NAGK: variants seen among roughly 807,000 people sequenced by gnomAD.
The protein encoded by NAGK is N-acetyl-D-glucosamine kinase.
NAGK carries 35 observed loss-of-function variants against 42.9 expected under a neutral mutation model. The observed-to-expected ratio is 0.82, with a 90% CI of 0.62 to 1.08. The LOEUF (loss-of-function observed/expected upper bound fraction) is 1.08. Among genes scored for constraint, NAGK ranks in the 50% least tolerant of loss-of-function variants. NAGK has a pLI of 0.00. For synonymous variants in NAGK, 172 were observed against 176.0 expected, an observed-to-expected ratio of 0.98 and a Z score of 0.18; for missense variants, 446 against 446.0, an observed-to-expected ratio of 1.00 and a Z score of 0.00.
chr2:71,075,328 G>C, intron 6 of NAGK: 3 of 482,554 alleles, frequency 6.2e-6, no homozygotes, highest in Non-Finnish European at 7.4e-6. Flanking sequence ...ACACAAATCT[G>C]TTCTCTGTGC....
Position 71,078,834 on chromosome 2 carries a change from T to G in NAGK, c.*326T>G. The G allele has an allele frequency of 3.9e-6, 1 of 255,162 alleles. No individual in the cohort carries two copies. The highest frequency in any genetic ancestry group is 7.6e-6 in the Non-Finnish European group (1 of 131,258). The allele number at this position is 255,162 out of a possible 1,614,324, so 15.8% of individuals were successfully genotyped here. A position where few individuals can be genotyped will look rare whatever the true frequency, so the allele number is the denominator to read the frequency against. ...CTGTGTGCTACCCTTCCCCCCATAT[T>G]ACCATACATATGCACTGTGTGGCTG... On this transcript the variant is annotated 3_prime_UTR_variant, in exon 10 of 10. Coordinates refer to ENST00000244204, the MANE Select transcript of NAGK (RefSeq NM_017567.6).
intron 8 of NAGK, 25 bp from the exon 9 acceptor site, chr2:71,077,533 T>C: frequency 6.3e-7 from 1 of 1,587,708 alleles, no homozygotes; most frequent in Non-Finnish European, 8.6e-7. Context: ...TTGGCCCCCA[T>C]ATCCATTTTC....
At chr2:71,072,450 G>T (rs770190709) in intron 4 of NAGK, 191 bp from the exon 5 acceptor site, 4 of 555,852 alleles carry the variant, frequency 7.2e-6, no homozygotes, top group Middle Eastern at 9.7e-4. Flanking sequence ...GGCGTTATGG[G>T]ATTAGAGTTT....
Position 71,070,534 on chromosome 2 carries a change from CAG to C in NAGK, c.65_66del (p.Glu22GlyfsTer29). 3 of 1,614,072 alleles carry C rather than the reference CAG, an allele frequency of 1.9e-6. No individual in the cohort carries two copies. The highest frequency in any genetic ancestry group is 2.5e-6 in the Non-Finnish European group (3 of 1,179,980). ...ACACGATCCGAGGTCCTTTTAGTCT[CAG>C]AGGATGGGAAGATCCTGGCAGAAGC... On this transcript the variant is annotated frameshift_variant, in exon 2 of 10. Coordinates refer to ENST00000244204, the MANE Select transcript of NAGK (RefSeq NM_017567.6). LOFTEE classifies it high-confidence loss of function.
intron 7 of NAGK, chr2:71,075,999 G>A (rs913247098): frequency 1.3e-4 from 38 of 286,974 alleles, no homozygotes; most frequent in Non-Finnish European, 2.5e-4. Flanking sequence ...GAGAGGTTAG[G>A]CATATTTTGT....
At position 71,073,584 on chromosome 2, in the gene NAGK, A is replaced by G. The variant is rs1328304873; in HGVS notation, c.569A>G (p.His190Arg). The G allele has an allele frequency of 4.3e-6, 7 of 1,612,730 alleles. No individual in the cohort carries two copies. The highest frequency in any genetic ancestry group is 5.9e-6 in the Non-Finnish European group (7 of 1,178,864). The stretch of plus-strand genomic sequence containing the variant: ...GGCTACGTCAAACAGGCCATGTTCC[A>G]CTATTTCCAGGTACTCCTCCTGCTC... ...DIGYVKQAMF[H>R]YFQVPDRLGI... is the part of the protein sequence containing the mutation. The change falls in exon 6 of 10, where the codon CAC becomes CGC. Residue 190 changes from histidine to arginine, a missense_variant. Transcript: ENST00000244204.
Position 71,071,667 on chromosome 2 carries a change from C to T in NAGK, c.214-19C>T, listed in dbSNP as rs558560725. ...GGGGCTGGGGCTCTGCACACTCGCT[C>T]ACCTCCCGCGTGGCCTAGGGCCTAT... On this transcript the variant is annotated intron_variant, in intron 3 of 9. Transcript: ENST00000244204. 21 of 1,605,184 alleles carry T rather than the reference C, an allele frequency of 1.3e-5. No individual in the cohort carries two copies. The highest frequency in any genetic ancestry group is 1.9e-4 in the Middle Eastern group (1 of 5,196).
Position 71,073,470 on chromosome 2 carries a change from T to C in NAGK, c.467-12T>C. The C allele has an allele frequency of 1.3e-6, 2 of 1,599,174 alleles. No individual in the cohort carries two copies. Among genetic ancestry groups the C allele is most frequent in the South Asian group, 1.1e-5 (1 of 90,750 alleles). On this transcript the variant is annotated splice_polypyrimidine_tract_variant and intron_variant, in intron 5 of 9. Coordinates refer to ENST00000244204, the MANE Select transcript of NAGK (RefSeq NM_017567.6). ...CTGCTCCCATCTTCTTAGCCCTCTC[T>C]GCTCCCTGCAGCCTACTGGATCGCA...
intron 2 of NAGK, 66 bp downstream of exon 2, chr2:71,070,652 G>A: frequency 2.5e-6 from 4 of 1,603,644 alleles, no homozygotes; most frequent in Non-Finnish European, 3.4e-6. Context: ...TTCCTGTTGA[G>A]GTGGTGGCTG....
At chr2:71,068,623 AAGG>A, upstream of NAGK, 1 of 1,522,248 alleles carries the variant, frequency 6.6e-7, no homozygotes, top group Non-Finnish European at 8.8e-7. Flanking sequence ...AGCTGGAGGG[AAGG>A]AGGTGTCAGG....
Position 71,078,694 on chromosome 2 carries a change from A to T in NAGK, c.*186A>T, listed in dbSNP as rs1672308073. 2.9e-6 allele frequency: 2 copies of T among 698,004 alleles called. No individual in the cohort carries two copies. Among genetic ancestry groups the T allele is most frequent in the South Asian group, 4.4e-5 (2 of 45,686 alleles). The allele number at this position is 698,004 out of a possible 1,614,324, so 43.2% of individuals were successfully genotyped here. On this transcript the variant is annotated 3_prime_UTR_variant, in exon 10 of 10. Transcript: ENST00000244204. Reference sequence around the variant, plus strand: ...TATGTACATCCTCAGTGCACCTGCCAGCAGATATCCTGGAGGGCTCATGAG... The same window carrying T: ...TATGTACATCCTCAGTGCACCTGCCTGCAGATATCCTGGAGGGCTCATGAG...
chr2:71,068,535 C>G (rs1347950283), upstream of NAGK: 1 of 1,466,298 alleles, frequency 6.8e-7, no homozygotes, highest in African/African-American at 1.5e-5. Flanking sequence ...TACCGGCGCC[C>G]CGCCCCGCGC....
intron 9 of NAGK, 88 bp from the exon 10 acceptor site, chr2:71,078,230 G>A (rs565545765): frequency 7.3e-7 from 1 of 1,365,536 alleles, no homozygotes; most frequent in Admixed American, 1.8e-5. Context: ...GTACCTCAGG[G>A]TCTGGGCGTC....
Position 71,073,477 on chromosome 2 carries a change from T to C in NAGK, c.467-5T>C, listed in dbSNP as rs747937824. 5 of 1,608,618 alleles carry C rather than the reference T, an allele frequency of 3.1e-6. No individual in the cohort carries two copies. The South Asian group carries it at 5.5e-5, about 18-fold the overall frequency. Reference sequence around the variant, plus strand: ...CATCTTCTTAGCCCTCTCTGCTCCCTGCAGCCTACTGGATCGCACACCAAG... The same window carrying C: ...CATCTTCTTAGCCCTCTCTGCTCCCCGCAGCCTACTGGATCGCACACCAAG... On this transcript the variant is annotated splice_region_variant and splice_polypyrimidine_tract_variant and intron_variant, in intron 5 of 9. Coordinates refer to ENST00000244204, the MANE Select transcript of NAGK (RefSeq NM_017567.6).
At chr2:71,071,564 G>T (rs183889158) in intron 3 of NAGK, 122 bp from the exon 4 acceptor site, 4 of 1,338,538 alleles carry the variant, frequency 3.0e-6, no homozygotes, top group Admixed American at 5.2e-5. Context: ...GAGGACTGGG[G>T]CTGGGTGAAC....
intron 1 of NAGK, chr2:71,068,974 A>C: frequency 8.0e-7 from 1 of 1,249,498 alleles, no homozygotes; most frequent in Non-Finnish European, 1.0e-6. Flanking sequence ...TTCTTCCACG[A>C]AACACCCACT....
chr2:71,076,709 G>T lies in NAGK; in HGVS notation c.765+8G>T. On this transcript the variant is annotated splice_region_variant and intron_variant, in intron 8 of 9. Coordinates refer to ENST00000244204, the MANE Select transcript of NAGK (RefSeq NM_017567.6). Reference sequence around the variant, plus strand: ...TTGCCCGAGATTGACCCGGTGAGTTGAGGTGGGAGTGAAGGTGGGGAGCTG... The same window carrying T: ...TTGCCCGAGATTGACCCGGTGAGTTTAGGTGGGAGTGAAGGTGGGGAGCTG... 1 of 1,611,482 alleles carries T rather than the reference G, an allele frequency of 6.2e-7. No individual in the cohort carries two copies. Among genetic ancestry groups the T allele is most frequent in the South Asian group, 1.1e-5 (1 of 90,954 alleles).
At chr2:71,073,702 G>GT in intron 6 of NAGK, 108 bp downstream of exon 6, 1 of 926,204 alleles carries the variant, frequency 1.1e-6, no homozygotes, top group South Asian at 1.3e-5. Context: ...AGGAAATAGG[G>GT]TGAGTTGTGG....
Position 71,077,449 on chromosome 2 carries a change from G to A in NAGK, c.766-109G>A, listed in dbSNP as rs899011135. On this transcript the variant is annotated intron_variant, in intron 8 of 9. Transcript: ENST00000244204. ...TCCTGAGTCTGTCTACTGTTTCTTG[G>A]CTTGAGGGCGAGTAACTGGGATAGA... 3.8e-6 allele frequency: 4 copies of A among 1,052,884 alleles called. No individual in the cohort carries two copies. The African/African-American group carries it at 6.3e-5, about 17-fold the overall frequency. The allele number at this position is 1,052,884 out of a possible 1,614,324, so 65.2% of individuals were successfully genotyped here. A position where few individuals can be genotyped will look rare whatever the true frequency, so the allele number is the denominator to read the frequency against.
Sources: gnomAD v4.1 joint callset for allele counts on GRCh38, gnomAD v4.1.1 for gene constraint, MANE v1.5 for transcripts, NCBI Gene and HGNC (gene_info 2026-07-23, HGNC 2026-07-21) for gene names.